The following SAFB2 variants were observed in gnomAD, a reference collection of about 807,000 sequenced individuals.
SAFB2 encodes the protein scaffold attachment factor B2.
In SAFB2, 32 loss-of-function variants were observed where a neutral mutation model predicts 100.6. That is an observed-to-expected ratio of 0.32 (90% CI 0.24 to 0.43). The LOEUF (loss-of-function observed/expected upper bound fraction) is 0.43. SAFB2 is among the 20% of genes least tolerant of loss of function. SAFB2 has a pLI of 1.00. For synonymous variants in SAFB2, 500 were observed against 439.4 expected, an observed-to-expected ratio of 1.14 and a Z score of -1.72; for missense variants, 1,185 against 1,163.4, an observed-to-expected ratio of 1.02 and a Z score of -0.27.
In SAFB2 at chr19:5,595,447, G is replaced by A. The variant is rs1206543450; in HGVS notation, c.1833C>T (p.Ile611=). Residue 611 remains isoleucine (I), a synonymous_variant, in exon 14 of 21, where the codon ATC becomes ATT. Coordinates refer to ENST00000252542, the MANE Select transcript of SAFB2 (RefSeq NM_014649.3). ...RKSESKEKRD[I]LSFDKIKEQR... is the part of the protein sequence containing the mutation. ...GTTCTTTGATTTTATCAAACGACAA[G>A]ATGTCTCTCTTTTCTTTGCTTTCTG... is the stretch of plus-strand genomic sequence containing the variant. The A allele has an allele frequency of 2.5e-6, 4 of 1,613,784 alleles. No individual in the cohort carries two copies. In the South Asian group the frequency reaches 4.4e-5, roughly 18 times the overall value.
At chr19:5,622,273 CT>C (rs1288499346) in intron 1 of SAFB2, among the ~76,000 whole-genome samples, 1 of 152,232 alleles carries the variant, frequency 6.6e-6, no homozygotes, top group Non-Finnish European at 1.5e-5. Context: ...CGGGGCCACC[CT>C]GGTAGCGGAG....
At chr19:5,614,517 A>C (rs1290314754) in intron 4 of SAFB2, among the ~76,000 whole-genome samples, 2 of 152,244 alleles carry the variant, frequency 1.3e-5, no homozygotes, top group Admixed American at 6.5e-5. Flanking sequence ...AAAGGCGGCT[A>C]ACCAGTTGCT....
chr19:5,591,178 C>T (rs1394054260), intron 17 of SAFB2: 2 of 152,024 alleles, frequency 1.3e-5, no homozygotes, highest in African/African-American at 4.8e-5. Context: ...AATGAAGAGA[C>T]ACATGAGGTT....
rs368641426 is a variant in SAFB2, at chr19:5,590,392, C to T, written c.2411G>A (p.Arg804His). 1.1e-5 allele frequency: 18 copies of T among 1,610,278 alleles called. No homozygotes were observed. The highest frequency in any genetic ancestry group is 1.7e-5 in the Admixed American group (1 of 59,598). ...HRDGQHYGDD[R>H]HGHGGPPERH... is the part of the protein sequence containing the mutation. ...CTCTGGGGGTCCTCCGTGGCCATGG[C>T]GGTCATCTCCATAGTGCTGGAAGGC... Residue 804 changes from arginine to histidine, a missense_variant, in exon 18 of 21, where the codon CGC becomes CAC. By Grantham distance (29) the Arg-to-His change is conservative (BLOSUM62 0). Coordinates refer to ENST00000252542, the MANE Select transcript of SAFB2 (RefSeq NM_014649.3).
chr19:5,598,570 C>T (rs562321841), intron 13 of SAFB2: 5 of 562,312 alleles, frequency 8.9e-6, no homozygotes, highest in African/African-American at 1.9e-5. Context: ...GCGGCACATC[C>T]CGGTCAGGAG....
chr19:5,589,176 C>T (rs1271797956), intron 18 of SAFB2, among the ~76,000 whole-genome samples: 2 of 152,226 alleles, frequency 1.3e-5, no homozygotes, highest in Admixed American at 6.5e-5. Flanking sequence ...GACCCGATGG[C>T]GCCCAGCCGC....
intron 6 of SAFB2, 27 bp downstream of exon 6, chr19:5,612,513 T>C (rs1449000836): frequency 6.2e-7 from 1 of 1,604,742 alleles, no homozygotes; most frequent in Non-Finnish European, 8.5e-7. Context: ...TTTCAAACCA[T>C]AACTGTCGTG....
At chr19:5,607,333 A>G (rs1217695547) in intron 9 of SAFB2, among the ~76,000 whole-genome samples, 2 of 152,212 alleles carry the variant, frequency 1.3e-5, no homozygotes, top group Non-Finnish European at 2.9e-5. Context: ...AAACCACAAC[A>G]AGTCAAAGCC....
Position 5,598,835 on chromosome 19 carries a change from C to T in SAFB2, c.1740G>A (p.Glu580=), listed in dbSNP as rs1270230071. ...RTVVMDKSKG[E]PVISVKTTSR... is the part of the protein sequence containing the mutation. ...TTGTGGTTTTCACGCTAATGACGGG[C>T]TCTCCTTTCGATTTATCCATCACGA... The change falls in exon 13 of 21, where the codon GAG becomes GAA. Residue 580 remains glutamate, a synonymous_variant. Transcript: ENST00000252542. 1.2e-6 allele frequency: 2 copies of T among 1,614,034 alleles called. No individual in the cohort carries two copies. Among genetic ancestry groups the T allele is most frequent in the Admixed American group, 3.3e-5 (2 of 59,992 alleles).
chr19:5,588,882 CTATT>C (rs897633475), intron 18 of SAFB2: 13 of 152,260 alleles, frequency 8.5e-5, no homozygotes, highest in African/African-American at 2.9e-4. Flanking sequence ...TTAAAGAAAG[CTATT>C]TGTTTAAAGT....
At position 5,622,391 on chromosome 19, in the gene SAFB2, G is replaced by C. The variant is rs2053181563; in HGVS notation, c.186+139C>G. The C allele has an allele frequency of 3.9e-6, 3 of 771,568 alleles. No individual in the cohort carries two copies. In the Admixed American group the frequency reaches 1.1e-4, roughly 28 times the overall value. The allele number at this position is 771,568 out of a possible 1,614,324, so 47.8% of individuals were successfully genotyped here. A position where few individuals can be genotyped will look rare whatever the true frequency, so the allele number is the denominator to read the frequency against. ...CAAGGTCACACAGCCGGCCCCCTGG[G>C]TGCCCGACACCTCGAACCGGGGTCG... On this transcript the variant is annotated intron_variant, in intron 1 of 20. Coordinates refer to ENST00000252542, the MANE Select transcript of SAFB2 (RefSeq NM_014649.3).
At chr19:5,590,539 G>T in intron 17 of SAFB2, 131 bp from the exon 18 acceptor site, 1 of 1,037,764 alleles carries the variant, frequency 9.6e-7, no homozygotes, top group Non-Finnish European at 1.3e-6. Context: ...GAAGGGTGCA[G>T]TCTCAGCCCT....
intron 12 of SAFB2, among the ~76,000 whole-genome samples, chr19:5,599,285 C>T (rs1346574492): frequency 6.6e-6 from 1 of 152,174 alleles, no homozygotes; most frequent in Non-Finnish European, 1.5e-5. Flanking sequence ...ATCACACTGC[C>T]ACTCTGAGGG....
chr19:5,613,677 G>C, intron 4 of SAFB2, 150 bp from the exon 5 acceptor site: 1 of 1,455,156 alleles, frequency 6.9e-7, no homozygotes, highest in Non-Finnish European at 9.0e-7. Flanking sequence ...TTCAGCACCT[G>C]CCTCTCCGCC....
chr19:5,614,084 G>A (rs1467339694), intron 4 of SAFB2, among the ~76,000 whole-genome samples: 9 of 152,152 alleles, frequency 5.9e-5, no homozygotes, highest in Non-Finnish European at 5.9e-5. Context: ...CTCCCGAGGA[G>A]CTAGGATTAC....
chr19:5,608,353 G>A (rs1281469134), intron 9 of SAFB2, among the ~76,000 whole-genome samples: 1 of 151,972 alleles, frequency 6.6e-6, no homozygotes, highest in Non-Finnish European at 1.5e-5. Flanking sequence ...TCTTTTTCCC[G>A]CCAGACTAAA....
intron 2 of SAFB2, among the ~76,000 whole-genome samples, chr19:5,620,743 G>A (rs944662173): frequency 6.6e-6 from 1 of 152,186 alleles, no homozygotes; most frequent in Non-Finnish European, 1.5e-5. Flanking sequence ...AGAAGGAGAC[G>A]GTGGTGGTGG....
At chr19:5,602,896 A>G (rs1245030167) in intron 11 of SAFB2, among the ~76,000 whole-genome samples, 2 of 151,518 alleles carry the variant, frequency 1.3e-5, no homozygotes, top group Non-Finnish European at 2.9e-5. Context: ...TGATTAAATT[A>G]GAGGGCTCAC....
intron 16 of SAFB2, among the ~76,000 whole-genome samples, chr19:5,592,406 A>G (rs935716930): frequency 1.3e-5 from 2 of 152,134 alleles, no homozygotes; most frequent in Non-Finnish European, 2.9e-5. Flanking sequence ...TCCTCCATCA[A>G]TTCTCTGGTA....
Sources: gnomAD v4.1 joint callset for allele counts (sites outside exome capture counted in the v4.1 genomes callset) on GRCh38, gnomAD v4.1.1 for gene constraint, MANE v1.5 for transcripts, NCBI Gene and HGNC (gene_info 2026-07-23, HGNC 2026-07-21) for gene names.